IRX2: variants seen among roughly 807,000 people sequenced by gnomAD.
IRX2 encodes the protein iroquois-class homeodomain protein IRX-2.
In IRX2, 26 loss-of-function variants were observed where a neutral mutation model predicts 42.9. The observed-to-expected ratio is 0.61, with a 90% CI of 0.44 to 0.84. The LOEUF (loss-of-function observed/expected upper bound fraction) is 0.84. IRX2 is among the 40% of genes least tolerant of loss of function. The probability of loss-of-function intolerance (pLI) is 0.00; values close to 1 mark genes in which losing one functional copy is unlikely to be tolerated. For missense variants in IRX2, 782 were observed against 713.9 expected (o/e 1.10, Z -1.09); for synonymous variants, 424 against 353.9 (o/e 1.20, Z -2.22).
At chr5:2,747,808 C>A (rs992148010) in intron 3 of IRX2, among the ~76,000 whole-genome samples, 192 bp from the exon 4 acceptor site, 1 of 152,336 alleles carries the variant, frequency 6.6e-6, no homozygotes, top group East Asian at 1.9e-4. Context: ...ACTCCTCTTT[C>A]GGGTAGCCTG....
Position 2,751,303 on chromosome 5 carries a change from C to T in IRX2, c.111G>A (p.Ala37=), listed in dbSNP as rs1737965754. ...TGAACGCCGAGCCCGACGCCGAGCG[C>T]GCCAGCTCCTCGCTGCGCGGAGCCG... ...ALAAPRSEEL[A]RSASGSAFSP... Residue 37 remains alanine, a synonymous_variant, in exon 1 of 4, where the codon GCG becomes GCA. Transcript: ENST00000302057. The surrounding 1 kb of genome is among the most constrained non-coding windows in gnomAD (Gnocchi z 4.0). 7.0e-6 allele frequency: 10 copies of T among 1,435,690 alleles called. No homozygotes were observed. Among genetic ancestry groups the T allele is most frequent in the East Asian group, 3.2e-5 (1 of 31,280 alleles). The allele number at this position is 1,435,690 out of a possible 1,614,324, so 88.9% of individuals were successfully genotyped here. A position where few individuals can be genotyped will look rare whatever the true frequency, so the allele number is the denominator to read the frequency against.
At chr5:2,739,609 G>A in the IRX2 span, among the ~76,000 whole-genome samples, 2 of 152,190 alleles carry the variant, frequency 1.3e-5, no homozygotes, top group African/African-American at 4.8e-5. Context: ...CCCTGGTCCC[G>A]GGGGCCCTGA....
the IRX2 span, among the ~76,000 whole-genome samples, chr5:2,738,737 C>G: frequency 6.6e-6 from 1 of 152,186 alleles, no homozygotes; most frequent in African/African-American, 2.4e-5. Flanking sequence ...GGGCCTCCCT[C>G]CTCCTGTGCC....
Position 2,751,265 on chromosome 5 carries a change from C to A in IRX2, c.149G>T (p.Gly50Val). The change falls in exon 1 of 4, where the codon GGC (glycine) becomes GTC (valine). Residue 50 changes from glycine (G) to valine (V), a missense_variant. Gly to Val is a moderately radical substitution (Grantham distance 109, BLOSUM62 -3). Coordinates refer to ENST00000302057, the MANE Select transcript of IRX2 (RefSeq NM_033267.5). This position sits in a 1 kb window ranked among gnomAD's most constrained non-coding sequence, Gnocchi z 4.0. ...CGCCTGCGCCGTGAAGGCCGCCGAG[C>A]CCGGGTAGGGGCTGAACGCCGAGCC... is the stretch of plus-strand genomic sequence containing the variant. ...ASGSAFSPYP[G>V]SAAFTAQAAT... 7.1e-7 allele frequency: 1 copy of A among 1,412,340 alleles called. No homozygotes were observed. Among genetic ancestry groups the A allele is most frequent in the Non-Finnish European group, 9.2e-7 (1 of 1,082,296 alleles). 87.5% of individuals were successfully genotyped at this position (1,412,340 alleles called of 1,614,324 possible). A position where few individuals can be genotyped will look rare whatever the true frequency, so the allele number is the denominator to read the frequency against.
rs918854081 is a variant in IRX2 at position 2,747,115 on chromosome 5, T to C, written c.*449A>G. ...TACTCCAAGTTTTGGTAGCCCAAGCTCATCAAAGCATGTGTCTATTATGTG... is the reference window on the plus strand; with the variant it reads ...TACTCCAAGTTTTGGTAGCCCAAGCCCATCAAAGCATGTGTCTATTATGTG... On this transcript the variant is annotated 3_prime_UTR_variant, in exon 4 of 4. Coordinates refer to ENST00000302057, the MANE Select transcript of IRX2 (RefSeq NM_033267.5). The C allele has an allele frequency of 1.3e-5, 2 of 152,126 alleles. No homozygotes were observed. The highest frequency in any genetic ancestry group is 4.8e-5 in the African/African-American group (2 of 41,414). The allele number at this position is 152,126 out of a possible 1,614,324, so 9.4% of individuals were successfully genotyped here.
chr5:2,740,751 C>A, the IRX2 span, among the ~76,000 whole-genome samples: 187 of 152,192 alleles, frequency 1.2e-3, no homozygotes, highest in African/African-American at 4.1e-3. Context: ...GCGGGCAGGG[C>A]ACCAGGCAGG....
rs999147614 is a variant in IRX2, at chr5:2,747,218, C to T, written c.*346G>A. ...AATCTATTGTTTCAAAAGAAAACAA[C>T]AGTAGTGTGTAATATATATATACAC... On this transcript the variant is annotated 3_prime_UTR_variant, in exon 4 of 4. Coordinates refer to ENST00000302057, the MANE Select transcript of IRX2 (RefSeq NM_033267.5). 1 of 156,350 alleles carries T rather than the reference C, an allele frequency of 6.4e-6. No individual in the cohort carries two copies. Among genetic ancestry groups the T allele is most frequent in the Non-Finnish European group, 1.4e-5 (1 of 71,348 alleles). The allele number at this position is 156,350 out of a possible 1,614,324, so 9.7% of individuals were successfully genotyped here. A position where few individuals can be genotyped will look rare whatever the true frequency, so the allele number is the denominator to read the frequency against.
In IRX2 at chr5:2,751,052, AG is replaced by A; in HGVS notation, c.249+112del. ...CCGAGCCGGCGACTCCTGAGTCGCC[AG>A]CCGCGCCACATTCCCGGCGGCCCCC... On this transcript the variant is annotated intron_variant, in intron 1 of 3. Transcript: ENST00000302057. This position sits in a 1 kb window ranked among gnomAD's most constrained non-coding sequence, Gnocchi z 4.0. 1 of 1,141,662 alleles carries A rather than the reference AG, an allele frequency of 8.8e-7. No homozygotes were observed. Among genetic ancestry groups the A allele is most frequent in the Non-Finnish European group, 1.1e-6 (1 of 921,570 alleles). 70.7% of individuals were successfully genotyped at this position (1,141,662 alleles called of 1,614,324 possible).
At chr5:2,749,285 T>G (rs1737831205) in intron 2 of IRX2, 97 bp downstream of exon 2, 2 of 1,491,378 alleles carry the variant, frequency 1.3e-6, no homozygotes, top group Admixed American at 4.6e-5. Flanking sequence ...GGCCCGGACC[T>G]GGGGTGTCCG....
chr5:2,740,481 A>C, the IRX2 span, among the ~76,000 whole-genome samples: 1 of 152,042 alleles, frequency 6.6e-6, no homozygotes, highest in Non-Finnish European at 1.5e-5. Context: ...GCTTGGGGAG[A>C]CTGCAGGGCA....
Position 2,748,432 on chromosome 5 carries a change from T to C in IRX2, c.1276A>G (p.Lys426Glu). Residue 426 changes from lysine (K) to glutamate (E), a missense_variant, in exon 3 of 4, where the codon AAG becomes GAG. Lys to Glu is a moderately conservative substitution (Grantham distance 56). Around this residue, in one of 3 missense-constraint regions of IRX2, gnomAD observed 520 missense variants for 437.8 expected, o/e 1.19. Coordinates refer to ENST00000302057, the MANE Select transcript of IRX2 (RefSeq NM_033267.5). ...GCCTTGCCCGCGTCGCTGGCCGCCT[T>C]TGGCGCGGTGTGCAGGGCCTCGCCG... is the stretch of plus-strand genomic sequence containing the variant. ...APGEALHTAP[K>E]AASDAGKAGA... 6.5e-7 allele frequency: 1 copy of C among 1,547,888 alleles called. No homozygotes were observed. The highest frequency in any genetic ancestry group is 8.7e-7 in the Non-Finnish European group (1 of 1,152,680).
rs76906087 is a variant in IRX2 at position 2,748,943 on chromosome 5, C to T, written c.765G>A (p.Glu255=). Reference sequence around the variant, plus strand: ...CCAGGTCGTCATACTTGTCCTTGCACTCCGAGCCCGATTCGCACAGGGGGT... The same window carrying T: ...CCAGGTCGTCATACTTGTCCTTGCATTCCGAGCCCGATTCGCACAGGGGGT... ...AGDPLCESGS[E]CKDKYDDLED... is the part of the protein sequence containing the mutation. The change falls in exon 3 of 4, where the codon GAG becomes GAA. Residue 255 remains glutamate (E), a synonymous_variant. Transcript: ENST00000302057. 6.3e-7 allele frequency: 1 copy of T among 1,597,034 alleles called. No individual in the cohort carries two copies. Among genetic ancestry groups the T allele is most frequent in the Non-Finnish European group, 8.5e-7 (1 of 1,179,386 alleles).
chr5:2,748,962 AG>A lies in IRX2; in HGVS notation c.745del (p.Leu249CysfsTer35). On this transcript the variant is annotated frameshift_variant, in exon 3 of 4. Transcript: ENST00000302057. LOFTEE classifies it high-confidence loss of function. ...EKLPCRAGDPLCESGSECKDK... is the reference protein window; with the variant it reads ...EKLPCRAGDPXCESGSECKDK... ...CTTGCACTCCGAGCCCGATTCGCAC[AG>A]GGGGTCCCCGGCGCGGCACGGAAGC... 1 of 1,596,960 alleles carries A rather than the reference AG, an allele frequency of 6.3e-7. No homozygotes were observed. The highest frequency in any genetic ancestry group is 8.5e-7 in the Non-Finnish European group (1 of 1,179,376).
intron 1 of IRX2, among the ~76,000 whole-genome samples, chr5:2,750,173 T>A (rs1319812106): frequency 2.0e-5 from 3 of 151,612 alleles, no homozygotes; most frequent in Non-Finnish European, 4.4e-5. Flanking sequence ...TACTCCCTCT[T>A]CCCCTCCCTT....
chr5:2,736,966 G>T, the IRX2 span: 1 of 152,210 alleles, frequency 6.6e-6, no homozygotes, highest in South Asian at 2.1e-4. Flanking sequence ...TTTACAAGTG[G>T]TCAGTGTTCA....
chr5:2,740,623 C>G, the IRX2 span, among the ~76,000 whole-genome samples: 1 of 152,198 alleles, frequency 6.6e-6, no homozygotes, highest in African/African-American at 2.4e-5. Flanking sequence ...GGAACCAACC[C>G]TGGGTGGGCG....
downstream of IRX2, among the ~76,000 whole-genome samples, chr5:2,744,592 C>G (rs1737617097): frequency 1.3e-5 from 2 of 152,124 alleles, no homozygotes; most frequent in Non-Finnish European, 2.9e-5. Flanking sequence ...CCCCTTTTAC[C>G]CTCCAGACCT....
downstream of IRX2, chr5:2,745,773 T>A (rs903253037): frequency 2.6e-5 from 4 of 152,188 alleles, no homozygotes; most frequent in African/African-American, 9.7e-5. Flanking sequence ...CTCTCCATTA[T>A]CAATATTATT....
rs1245457090 is a variant in IRX2, at chr5:2,749,001, G to A, written c.707C>T (p.Ser236Leu). The change falls in exon 3 of 4, where the codon TCG becomes TTG. Residue 236 changes from serine (S) to leucine (L), a missense_variant. By Grantham distance (145) the Ser-to-Leu change is moderately radical. This residue lies in a region of IRX2 where 520 missense variants were observed against 437.8 expected (regional missense o/e 1.19). Coordinates refer to ENST00000302057, the MANE Select transcript of IRX2 (RefSeq NM_033267.5). The part of the protein sequence containing the change: ...SLTDHSCSAE[S>L]DGEKLPCRAG... ...GCGGCACGGAAGCTTCTCCCCGTCCGACTCGGCCGAGCACGAGTGATCCGT... is the reference window on the plus strand; with the variant it reads ...GCGGCACGGAAGCTTCTCCCCGTCCAACTCGGCCGAGCACGAGTGATCCGT... The A allele has an allele frequency of 6.3e-7, 1 of 1,597,396 alleles. No individual in the cohort carries two copies. The highest frequency in any genetic ancestry group is 8.5e-7 in the Non-Finnish European group (1 of 1,179,422).
Sources: allele counts gnomAD v4.1 joint callset (sites outside exome capture counted in the v4.1 genomes callset), GRCh38; gene constraint gnomAD v4.1.1; regional missense constraint gnomAD v4.1.1; non-coding constraint Gnocchi (gnomAD v3.1); transcripts MANE v1.5; gene names NCBI Gene and HGNC (gene_info 2026-07-23, HGNC 2026-07-21).